The following AK7 variants were observed in gnomAD, a reference collection of about 807,000 sequenced individuals.
AK7 encodes ATP-AMP transphosphorylase 7.
AK7 carries 78 observed loss-of-function variants against 96.6 expected under a neutral mutation model. The ratio of observed to expected loss-of-function variants is 0.81; its 90% CI spans 0.67 to 0.97. AK7 has a LOEUF of 0.97. Among genes scored for constraint, AK7 ranks in the 50% least tolerant of loss-of-function variants. AK7 has a pLI of 0.00. For missense variants in AK7, 855 were observed against 887.9 expected, an observed-to-expected ratio of 0.96 and a Z score of 0.47; for synonymous variants, 302 against 317.2, an observed-to-expected ratio of 0.95 and a Z score of 0.51.
At chr14:96,453,618 C>G (rs755355153) in intron 10 of AK7, among the ~76,000 whole-genome samples, 4 of 152,162 alleles carry the variant, frequency 2.6e-5, no homozygotes, top group Non-Finnish European at 4.4e-5. Flanking sequence ...CATCCTACTC[C>G]CCTTGTTCTG....
intron 2 of AK7, among the ~76,000 whole-genome samples, chr14:96,404,416 A>G (rs1328190964): frequency 6.6e-6 from 1 of 152,188 alleles, no homozygotes; most frequent in African/African-American, 2.4e-5. Flanking sequence ...AATCTTGCAT[A>G]GAGTTTGAAT....
intron 5 of AK7, among the ~76,000 whole-genome samples, chr14:96,435,598 A>G (rs1892592137): frequency 6.6e-6 from 1 of 152,042 alleles, no homozygotes; most frequent in South Asian, 2.1e-4. Context: ...CTCGCTCAGC[A>G]CTGGAACTCA....
intron 4 of AK7, among the ~76,000 whole-genome samples, chr14:96,414,673 G>A (rs1351494069): frequency 2.0e-5 from 3 of 151,886 alleles, no homozygotes; most frequent in South Asian, 2.1e-4. Context: ...GTCTGGCCAC[G>A]AAGGTGGCAA....
rs1174249528 is a variant in AK7, at chr14:96,488,602, A to T, written c.*259A>T. Reference sequence around the variant, plus strand: ...TGATTTAATATTTTATTCTTTAGTCAGATCTAAATATACCGCTTCTGTACA... The same window carrying T: ...TGATTTAATATTTTATTCTTTAGTCTGATCTAAATATACCGCTTCTGTACA... On this transcript the variant is annotated 3_prime_UTR_variant, in exon 18 of 18. Coordinates refer to ENST00000267584, the MANE Select transcript of AK7 (RefSeq NM_152327.5). 4 of 358,236 alleles carry T rather than the reference A, an allele frequency of 1.1e-5. No individual in the cohort carries two copies. The highest frequency in any genetic ancestry group is 2.0e-5 in the Non-Finnish European group (4 of 195,576). The allele number at this position is 358,236 out of a possible 1,614,324, so 22.2% of individuals were successfully genotyped here. A position where few individuals can be genotyped will look rare whatever the true frequency, so the allele number is the denominator to read the frequency against.
intron 10 of AK7, among the ~76,000 whole-genome samples, chr14:96,455,080 T>A (rs1422494273): frequency 6.6e-6 from 1 of 152,056 alleles, no homozygotes; most frequent in Non-Finnish European, 1.5e-5. Context: ...GGCAGGAGAA[T>A]CGCTTGAACC....
At chr14:96,451,634 G>A in intron 10 of AK7, 64 bp downstream of exon 10, 1 of 1,342,070 alleles carries the variant, frequency 7.5e-7, no homozygotes, top group Non-Finnish European at 9.7e-7. Context: ...CTTCTAGTGT[G>A]ATGATGCCAA....
intron 5 of AK7, among the ~76,000 whole-genome samples, chr14:96,431,997 T>C (rs1892379148): frequency 6.6e-6 from 1 of 152,220 alleles, no homozygotes; most frequent in Middle Eastern, 3.2e-3. Context: ...AATTGATCTC[T>C]TTACCATTAT....
chr14:96,409,915 A>G (rs1458551457), intron 4 of AK7, among the ~76,000 whole-genome samples: 1 of 152,238 alleles, frequency 6.6e-6, no homozygotes, highest in Non-Finnish European at 1.5e-5. Flanking sequence ...ACTTGAAGTG[A>G]TAACAATAGC....
intron 10 of AK7, among the ~76,000 whole-genome samples, chr14:96,455,765 A>G (rs1311869682): frequency 6.6e-6 from 1 of 152,110 alleles, no homozygotes; most frequent in Non-Finnish European, 1.5e-5. Context: ...GTTGGTGCCT[A>G]TTGAATACCT....
intron 4 of AK7, among the ~76,000 whole-genome samples, chr14:96,411,719 G>A (rs1221318127): frequency 1.3e-5 from 2 of 152,142 alleles, no homozygotes; most frequent in Non-Finnish European, 2.9e-5. Context: ...CAACAAGACC[G>A]ATTACGCAAA....
chr14:96,399,713 G>A lies in AK7; in HGVS notation c.294+1450G>A, dbSNP rs548570363. 1.3e-5 allele frequency among the ~76,000 whole-genome samples: 2 copies of A among 152,258 alleles called. No individual in the cohort carries two copies. The highest frequency in any genetic ancestry group is 1.9e-4 in the East Asian group (1 of 5,170). ...CAGCCTGGCTTCCCGAGAGAAACTCGCCTTCCCTTCTTGTGCCTCGGCTCT... is the reference window on the plus strand; with the variant it reads ...CAGCCTGGCTTCCCGAGAGAAACTCACCTTCCCTTCTTGTGCCTCGGCTCT... On this transcript the variant is annotated intron_variant, in intron 2 of 17. Transcript: ENST00000267584. The surrounding 1 kb of genome is among the most constrained non-coding windows in gnomAD (Gnocchi z 4.1).
At chr14:96,472,568 T>C (rs1894957378) in intron 13 of AK7, 119 bp from the exon 14 acceptor site, 1 of 664,614 alleles carries the variant, frequency 1.5e-6, no homozygotes, top group Admixed American at 2.6e-5. Context: ...CTAAAATACA[T>C]GTGCTATTTA....
intron 15 of AK7, 76 bp downstream of exon 15, chr14:96,478,738 T>C: frequency 1.4e-6 from 2 of 1,441,164 alleles, no homozygotes; most frequent in Admixed American, 3.6e-5. Context: ...GCTGTAATTG[T>C]GGGGCTGGGG....
chr14:96,450,182 C>T (rs762205489), intron 9 of AK7, among the ~76,000 whole-genome samples: 20 of 151,846 alleles, frequency 1.3e-4, no homozygotes, highest in Non-Finnish European at 2.2e-4. Context: ...TTTGGGAGGC[C>T]GAGGCAGGTG....
In AK7 at chr14:96,413,229, C is replaced by A. The variant is rs192549415; in HGVS notation, c.498+4288C>A. 3.1e-3 allele frequency among the ~76,000 whole-genome samples: 475 copies of A among 152,312 alleles called. 5 individuals are homozygous for A. Among genetic ancestry groups the A allele is most frequent in the African/African-American group, 0.011 (467 of 41,578 alleles). On this transcript the variant is annotated intron_variant, in intron 4 of 17. Transcript: ENST00000267584. ...ACAAAGAGGGTCCCCACCAGCCACA[C>A]TGTGAGAAGGCGAGCATCGCAAAAG... is the stretch of plus-strand genomic sequence containing the variant.
chr14:96,443,780 A>ATTTTTCT (rs1555381700), intron 7 of AK7, among the ~76,000 whole-genome samples: 1 of 137,612 alleles, frequency 7.3e-6, no homozygotes, highest in Non-Finnish European at 1.5e-5. Flanking sequence ...AAAACTCATA[A>ATTTTTCT]TTTTTTTTTT....
At chr14:96,481,244 G>A (rs1368155684) in intron 15 of AK7, among the ~76,000 whole-genome samples, 3 of 152,162 alleles carry the variant, frequency 2.0e-5, no homozygotes, top group East Asian at 1.9e-4. Context: ...TTGCTAGGGG[G>A]AATCATTCCC....
chr14:96,478,547 C>G lies in AK7; in HGVS notation c.1638C>G (p.Thr546=). 1 of 1,614,158 alleles carries G rather than the reference C, an allele frequency of 6.2e-7. No homozygotes were observed. Among genetic ancestry groups the G allele is most frequent in the Non-Finnish European group, 8.5e-7 (1 of 1,180,024 alleles). ...INLPESIVAG[T]HYSQDRFLRA... is the part of the protein sequence containing the mutation. ...TTCCTGAGAGCATCGTGGCGGGGAC[C>G]CACTACAGCCAAGACCGATTCCTCC... The change falls in exon 15 of 18, where the codon ACC becomes ACG. Residue 546 remains threonine, a synonymous_variant. Coordinates refer to ENST00000267584, the MANE Select transcript of AK7 (RefSeq NM_152327.5).
At chr14:96,450,406 C>G (rs1189890284) in intron 9 of AK7, among the ~76,000 whole-genome samples, 1 of 146,238 alleles carries the variant, frequency 6.8e-6, no homozygotes, top group Non-Finnish European at 1.5e-5. Flanking sequence ...ACAAGAGAGA[C>G]AGTCCATCTC....
Sources: gnomAD v4.1 joint callset for allele counts (sites outside exome capture counted in the v4.1 genomes callset) on GRCh38, gnomAD v4.1.1 for gene constraint, Gnocchi (gnomAD v3.1) non-coding constraint, MANE v1.5 for transcripts, NCBI Gene and HGNC (gene_info 2026-07-23, HGNC 2026-07-21) for gene names.